The following BLTP3B variants were observed in gnomAD, a reference collection of about 807,000 sequenced individuals.
The protein encoded by BLTP3B is UHRF1 (ICBP90) binding protein 1-like.
At chr12:100,102,616 C>T in the BLTP3B span, 1 of 571,984 alleles carries the variant, frequency 1.7e-6, no homozygotes, top group Non-Finnish European at 3.0e-6. Context: ...AAAGTCAAAT[C>T]TGCAACTTTG....
the BLTP3B span, chr12:100,051,302 T>C: frequency 1.6e-6 from 2 of 1,286,530 alleles, no homozygotes; most frequent in Middle Eastern, 2.3e-4. Flanking sequence ...TTAACAAAAA[T>C]GGACTATCCC....
the BLTP3B span, among the ~76,000 whole-genome samples, chr12:100,105,502 A>T: frequency 6.6e-5 from 10 of 152,188 alleles, no homozygotes; most frequent in African/African-American, 2.4e-4. Flanking sequence ...AGAAGAATGA[A>T]ATTGGATCCC....
At chr12:100,071,794 T>G in the BLTP3B span, among the ~76,000 whole-genome samples, 2 of 152,184 alleles carry the variant, frequency 1.3e-5, no homozygotes, top group Non-Finnish European at 2.9e-5. Flanking sequence ...AAAGGACAAC[T>G]TCAGTTACTT....
chr12:100,130,982 G>GGAGGGAGAGAGA, the BLTP3B span, among the ~76,000 whole-genome samples: 8 of 62,214 alleles, frequency 1.3e-4, no homozygotes, highest in Non-Finnish European at 1.7e-4. Context: ...AGAGAGGGAG[G>GGAGGGAGAGAGA]GAGAGAGAGA....
the BLTP3B span, chr12:100,084,703 T>C: frequency 1.1e-5 from 17 of 1,553,812 alleles, no homozygotes; most frequent in African/African-American, 1.8e-4. Context: ...TGTACAACTT[T>C]CATTTATTAT....
At chr12:100,054,645 G>A in the BLTP3B span, among the ~76,000 whole-genome samples, 27 of 152,138 alleles carry the variant, frequency 1.8e-4, no homozygotes, top group Non-Finnish European at 3.4e-4. Flanking sequence ...AGATTTTCAT[G>A]ACACACATTA....
At chr12:100,119,081 G>A in the BLTP3B span, among the ~76,000 whole-genome samples, 25 of 151,926 alleles carry the variant, frequency 1.6e-4, no homozygotes, top group African/African-American at 4.8e-4. Flanking sequence ...CAGCCTGGGC[G>A]ACAGAGCCAG....
At chr12:100,121,041 A>G in the BLTP3B span, among the ~76,000 whole-genome samples, 1 of 152,188 alleles carries the variant, frequency 6.6e-6, no homozygotes, top group African/African-American at 2.4e-5. Context: ...GCATATTTAT[A>G]TAAAAATCTA....
chr12:100,092,678 A>G, the BLTP3B span: 4 of 154,962 alleles, frequency 2.6e-5, no homozygotes, highest in East Asian at 1.9e-4. Context: ...TCCATTTTAT[A>G]TAAACATATC....
the BLTP3B span, among the ~76,000 whole-genome samples, chr12:100,139,104 C>T: frequency 6.6e-6 from 1 of 152,150 alleles, no homozygotes; most frequent in Admixed American, 6.6e-5. Context: ...CTCTAAGCTC[C>T]CCCATCCCAC....
At chr12:100,084,280 G>A in the BLTP3B span, among the ~76,000 whole-genome samples, 1 of 151,700 alleles carries the variant, frequency 6.6e-6, no homozygotes, top group Non-Finnish European at 1.5e-5. Flanking sequence ...GACCGCTTGA[G>A]GCCAGGAGTT....
chr12:100,122,422 A>G, the BLTP3B span, among the ~76,000 whole-genome samples: 3 of 152,216 alleles, frequency 2.0e-5, no homozygotes, highest in Admixed American at 6.5e-5. Context: ...TTTTAGTTTA[A>G]GAGGTATTTT....
the BLTP3B span, among the ~76,000 whole-genome samples, chr12:100,106,467 A>C: frequency 6.6e-6 from 1 of 152,244 alleles, no homozygotes. Context: ...CAACTTGAAA[A>C]GAACTGGAGG....
chr12:100,051,014 A>G, the BLTP3B span: 6 of 1,582,904 alleles, frequency 3.8e-6, no homozygotes, highest in African/African-American at 8.2e-5. Context: ...AAATATATAC[A>G]TGTCAAATAT....
At chr12:100,095,681 G>A in the BLTP3B span, 2 of 1,611,910 alleles carry the variant, frequency 1.2e-6, no homozygotes, top group Non-Finnish European at 1.7e-6. Flanking sequence ...GTAGGTTCAG[G>A]AGCCATACTC....
the BLTP3B span, chr12:100,093,001 T>A: frequency 2.0e-6 from 2 of 980,592 alleles, no homozygotes; most frequent in Non-Finnish European, 2.4e-6. Context: ...CTCTTCCTTA[T>A]CCTCAACTTA....
chr12:100,068,984 T>A, the BLTP3B span, among the ~76,000 whole-genome samples: 2 of 152,160 alleles, frequency 1.3e-5, no homozygotes, highest in Non-Finnish European at 2.9e-5. Flanking sequence ...CCGCCTGTCA[T>A]CCCAGCACTT....
chr12:100,104,884 C>CAAAAAAA, the BLTP3B span, among the ~76,000 whole-genome samples: 4 of 66,022 alleles, frequency 6.1e-5, no homozygotes, highest in Non-Finnish European at 5.6e-5. Flanking sequence ...ACTGCTACTA[C>CAAAAAAA]AAAAAAAAAA....
the BLTP3B span, chr12:100,069,902 T>A: frequency 9.9e-7 from 1 of 1,008,120 alleles, no homozygotes; most frequent in South Asian, 4.8e-5. Context: ...ATAAAATTTT[T>A]AAAAATTACT....
Sources: allele counts gnomAD v4.1 joint callset (sites outside exome capture counted in the v4.1 genomes callset), GRCh38; gene constraint gnomAD v4.1.1; transcripts MANE v1.5; gene names NCBI Gene and HGNC (gene_info 2026-07-23, HGNC 2026-07-21).